The following GAD1 variants were observed in gnomAD, a reference collection of about 807,000 sequenced individuals.
The protein encoded by GAD1 is glutamate decarboxylase 1, also known as 67 kDa glutamic acid decarboxylase.
GAD1 carries 35 observed loss-of-function variants against 75.2 expected under a neutral mutation model. The ratio of observed to expected loss-of-function variants is 0.47; its 90% CI spans 0.36 to 0.62. The LOEUF is 0.62. Ranked by LOEUF, GAD1 falls within the 20% of genes least tolerant of loss-of-function variation. The pLI is 0.00. For synonymous variants in GAD1, 257 were observed against 271.9 expected, an observed-to-expected ratio of 0.95 and a Z score of 0.54; for missense variants, 490 against 758.5, an observed-to-expected ratio of 0.65 and a Z score of 4.16.
chr2:170,842,530 G>T, intron 6 of GAD1: 3 of 1,597,030 alleles, frequency 1.9e-6, no homozygotes, highest in Middle Eastern at 1.7e-4. Flanking sequence ...GGCAGCACAG[G>T]CTAAACCAGG....
chr2:170,853,770 T>A lies in GAD1; in HGVS notation c.1264-103T>A. The A allele has an allele frequency of 9.0e-7, 1 of 1,112,302 alleles. No individual in the cohort carries two copies. The highest frequency in any genetic ancestry group is 1.4e-6 in the Non-Finnish European group (1 of 728,608). The allele number at this position is 1,112,302 out of a possible 1,614,324, so 68.9% of individuals were successfully genotyped here. Reference sequence around the variant, plus strand: ...CCTCATAAAGACATCAGAAGAAAGATTGCATATGACCCCAAGCCCCTCCTT... The same window carrying A: ...CCTCATAAAGACATCAGAAGAAAGAATGCATATGACCCCAAGCCCCTCCTT... On this transcript the variant is annotated intron_variant, in intron 13 of 16. Coordinates refer to ENST00000358196, the MANE Select transcript of GAD1 (RefSeq NM_000817.3). The surrounding 1 kb of genome is among the most constrained non-coding windows in gnomAD (Gnocchi z 4.1).
At position 170,826,567 on chromosome 2, in the gene GAD1, C is replaced by CAAA. The variant is rs34462898; in HGVS notation, c.146-2893_146-2891dup. Among the ~76,000 whole-genome samples, 775 of 110,764 alleles carry CAAA rather than the reference C, an allele frequency of 7.0e-3. 12 individuals are homozygous for CAAA. The highest frequency in any genetic ancestry group is 0.023 in the African/African-American group (594 of 25,766). The allele number at this position is 110,764 out of a possible 152,430, so 72.7% of individuals were successfully genotyped here. A position where few individuals can be genotyped will look rare whatever the true frequency, so the allele number is the denominator to read the frequency against. On this transcript the variant is annotated intron_variant, in intron 3 of 16. Transcript: ENST00000358196. The stretch of plus-strand genomic sequence containing the variant: ...TGGGTGACAGAGCAAGACTCCGTCT[C>CAAA]AAAAAAAAAAAAAAAAAGCTGTGGC...
chr2:170,835,018 C>T (rs565160068), intron 5 of GAD1, among the ~76,000 whole-genome samples: 35 of 152,236 alleles, frequency 2.3e-4, no homozygotes, highest in Non-Finnish European at 4.0e-4. Flanking sequence ...ATGACCCACC[C>T]ACCTTGGCCT....
chr2:170,828,227 CTTT>C (rs1702083482), intron 3 of GAD1, among the ~76,000 whole-genome samples: 4 of 83,556 alleles, frequency 4.8e-5, no homozygotes, highest in Non-Finnish European at 9.2e-5. Context: ...CACCCCTCCT[CTTT>C]CTGCTGTCCT....
At position 170,853,140 on chromosome 2, in the gene GAD1, C is replaced by A; in HGVS notation, c.1263+348C>A. 1 of 364,614 alleles carries A rather than the reference C, an allele frequency of 2.7e-6. No individual in the cohort carries two copies. The allele number at this position is 364,614 out of a possible 1,614,324, so 22.6% of individuals were successfully genotyped here. ...TGTCCTCAGTGAGGACAAAAGCACT[C>A]ACTGGAGCATACTCGGAGTTCTTAG... On this transcript the variant is annotated intron_variant, in intron 13 of 16. Coordinates refer to ENST00000358196, the MANE Select transcript of GAD1 (RefSeq NM_000817.3). This position sits in a 1 kb window ranked among gnomAD's most constrained non-coding sequence, Gnocchi z 4.1.
In GAD1 at chr2:170,859,951, A is replaced by G; in HGVS notation, c.*69A>G. 1 of 1,420,930 alleles carries G rather than the reference A, an allele frequency of 7.0e-7. No individual in the cohort carries two copies. 88.0% of individuals were successfully genotyped at this position (1,420,930 alleles called of 1,614,324 possible). On this transcript the variant is annotated 3_prime_UTR_variant, in exon 17 of 17. Transcript: ENST00000358196. ...CTGGCACTCCAGAACAAACCTCTAT[A>G]TGTTGCTGAAACACACAGGCCATTT...
chr2:170,830,342 C>T (rs1179907162), intron 4 of GAD1, among the ~76,000 whole-genome samples: 1 of 152,250 alleles, frequency 6.6e-6, no homozygotes, highest in Admixed American at 6.5e-5. Flanking sequence ...TCTAGCCTGA[C>T]TACTGCAGAG....
chr2:170,858,935 C>T, intron 16 of GAD1, 42 bp downstream of exon 16: 1 of 1,534,614 alleles, frequency 6.5e-7, no homozygotes, highest in Non-Finnish European at 9.0e-7. Context: ...TCTGCAATTT[C>T]TCTGGCTGGT....
At chr2:170,843,351 G>A (rs948764461) in intron 6 of GAD1, among the ~76,000 whole-genome samples, 4 of 152,282 alleles carry the variant, frequency 2.6e-5, no homozygotes, top group South Asian at 2.1e-4. Context: ...CCAGTTGACC[G>A]TCTTCTTGTT....
In GAD1 at chr2:170,845,544, C is replaced by A; in HGVS notation, c.790C>A (p.Arg264Ser). Reference sequence around the variant, plus strand: ...CAACATGTACAGCATCATGGCTGCTCGCTACAAGTACTTCCCGGAAGTTAA... The same window carrying A: ...CAACATGTACAGCATCATGGCTGCTAGCTACAAGTACTTCCCGGAAGTTAA... ...ISNMYSIMAA[R>S]YKYFPEVKTK... Residue 264 changes from arginine to serine, a missense_variant, in exon 8 of 17, where the codon CGC becomes AGC. Transcript: ENST00000358196. 6.2e-7 allele frequency: 1 copy of A among 1,614,048 alleles called. No individual in the cohort carries two copies. Among genetic ancestry groups the A allele is most frequent in the Non-Finnish European group, 8.5e-7 (1 of 1,180,020 alleles).
intron 10 of GAD1, among the ~76,000 whole-genome samples, chr2:170,847,168 C>A (rs1702650648): frequency 6.6e-6 from 1 of 152,014 alleles, no homozygotes; most frequent in Admixed American, 6.6e-5. Context: ...ATAATTGAAC[C>A]CCACAATGTT....
chr2:170,851,687 C>T (rs1305235028), intron 12 of GAD1, among the ~76,000 whole-genome samples: 1 of 152,126 alleles, frequency 6.6e-6, no homozygotes, highest in Non-Finnish European at 1.5e-5. Context: ...ATAGGCCAGG[C>T]CTTTGGGAAG....
At chr2:170,849,183 C>A (rs1202186277) in intron 11 of GAD1, 103 bp from the exon 12 acceptor site, 1 of 987,174 alleles carries the variant, frequency 1.0e-6, no homozygotes, top group Non-Finnish European at 1.6e-6. Context: ...TGTTTTTCAC[C>A]TTGTACTTTC....
At chr2:170,852,536 G>A (rs992106116) in intron 12 of GAD1, 178 bp from the exon 13 acceptor site, 40 of 658,476 alleles carry the variant, frequency 6.1e-5, no homozygotes, top group African/African-American at 7.2e-5. Context: ...GATATAGTCC[G>A]TAATGTAATA....
intron 6 of GAD1, among the ~76,000 whole-genome samples, chr2:170,840,135 A>C (rs1379842656): frequency 6.6e-6 from 1 of 152,194 alleles, no homozygotes; most frequent in Non-Finnish European, 1.5e-5. Context: ...TCTCATCAGG[A>C]AAATGGAGGA....
upstream of GAD1, chr2:170,813,500 C>T (rs57026097): frequency 0.04 from 6,037 of 152,122 alleles, 394 homozygotes; most frequent in East Asian, 0.27. Context: ...CCAGCTGAAA[C>T]GAACCAATAC....
In GAD1 at chr2:170,831,335, A is replaced by C. The variant is rs917093279; in HGVS notation, c.547+143A>C. 3 of 950,376 alleles carry C rather than the reference A, an allele frequency of 3.2e-6. No individual in the cohort carries two copies. In the East Asian group the frequency reaches 7.2e-5, roughly 23 times the overall value. The allele number at this position is 950,376 out of a possible 1,614,324, so 58.9% of individuals were successfully genotyped here. On this transcript the variant is annotated intron_variant, in intron 5 of 16. Coordinates refer to ENST00000358196, the MANE Select transcript of GAD1 (RefSeq NM_000817.3). ...CGGCAAAGTACCCAGTGACCACAAG[A>C]ACAAGCTTGGGCAGTAACAGTTGGT...
At chr2:170,825,870 G>A (rs1245043274) in intron 3 of GAD1, among the ~76,000 whole-genome samples, 1 of 152,222 alleles carries the variant, frequency 6.6e-6, no homozygotes, top group Non-Finnish European at 1.5e-5. Flanking sequence ...AAGCTGGGGT[G>A]TAGAGCAAGA....
Position 170,849,490 on chromosome 2 carries a change from T to C in GAD1, c.1184+140T>C, listed in dbSNP as rs1464277876. The C allele has an allele frequency of 9.0e-6, 7 of 778,742 alleles. No individual in the cohort carries two copies. In the African/African-American group the frequency reaches 1.0e-4, roughly 11 times the overall value. The allele number at this position is 778,742 out of a possible 1,614,324, so 48.2% of individuals were successfully genotyped here. A position where few individuals can be genotyped will look rare whatever the true frequency, so the allele number is the denominator to read the frequency against. On this transcript the variant is annotated intron_variant, in intron 12 of 16. Transcript: ENST00000358196. ...TTGCTTCAGTTCAGCAGGCATTTGT[T>C]GAGCATTTATTGGATGACTGATTTC...
Sources: allele counts gnomAD v4.1 joint callset (sites outside exome capture counted in the v4.1 genomes callset), GRCh38; gene constraint gnomAD v4.1.1; non-coding constraint Gnocchi (gnomAD v3.1); transcripts MANE v1.5; gene names NCBI Gene and HGNC (gene_info 2026-07-23, HGNC 2026-07-21).